SDCCAG8: variants seen among roughly 807,000 people sequenced by gnomAD.
SDCCAG8 encodes the protein serologically defined colon cancer antigen 8.
Under a neutral mutation model 101.8 loss-of-function variants are expected in SDCCAG8, and 74 were observed. That is an observed-to-expected ratio of 0.73 (90% CI 0.60 to 0.88). SDCCAG8 has a LOEUF of 0.88. Among genes scored for constraint, SDCCAG8 ranks in the 40% least tolerant of loss-of-function variants. The pLI, the probability that SDCCAG8 is intolerant of heterozygous loss-of-function variation, is 0.00. For missense variants in SDCCAG8, 787 were observed against 822.6 expected (o/e 0.96, Z 0.53); for synonymous variants, 281 against 292.9 (o/e 0.96, Z 0.41).
intron 12 of SDCCAG8, among the ~76,000 whole-genome samples, chr1:243,360,115 C>T (rs562682019): frequency 1.3e-5 from 2 of 149,008 alleles, no homozygotes; most frequent in South Asian, 2.1e-4. Flanking sequence ...AAGGTACTGT[C>T]GTCTTCAGCT....
At chr1:243,499,589 G>A in intron 17 of SDCCAG8, 167 bp from the exon 18 acceptor site, 1 of 675,606 alleles carries the variant, frequency 1.5e-6, no homozygotes, top group Non-Finnish European at 2.7e-6. Context: ...CTTTGATGTG[G>A]ACAAGATGAG....
rs1572854472 is a variant in SDCCAG8 at position 243,267,505 on chromosome 1, G to C, written c.68-2600G>C. The C allele has an allele frequency of 1.3e-5, 5 of 381,604 alleles. No homozygotes were observed. In the East Asian group the frequency reaches 3.3e-4, roughly 25 times the overall value. The allele number at this position is 381,604 out of a possible 1,614,324, so 23.6% of individuals were successfully genotyped here. On this transcript the variant is annotated intron_variant, in intron 1 of 17. Transcript: ENST00000366541. The stretch of plus-strand genomic sequence containing the variant: ...TAATCCCAGCTATTGGGGAGGCTGA[G>C]GCAGGAGAATCGCTTGAACCCGAGA...
rs557911652 is a variant in SDCCAG8 at position 243,292,027 on chromosome 1, CA to C, written c.547-1062del. 3.0e-3 allele frequency among the ~76,000 whole-genome samples: 456 copies of C among 152,210 alleles called. 1 individual carries two copies. Among genetic ancestry groups the C allele is most frequent in the Admixed American group, 8.4e-3 (128 of 15,280 alleles). On this transcript the variant is annotated intron_variant, in intron 5 of 17. Transcript: ENST00000366541. Reference sequence around the variant, plus strand: ...TATATAAAGGATATAAATGAACAGCCAACTGAAAAGGCACGTAGGGCAGGGT... The same window carrying C: ...TATATAAAGGATATAAATGAACAGCCACTGAAAAGGCACGTAGGGCAGGGT...
Position 243,304,732 on chromosome 1 carries a change from A to C in SDCCAG8, c.695A>C (p.Tyr232Ser), listed in dbSNP as rs747968552. ...CTATAGGAGAAGCTAAAACTTACTT[A>C]TGAGGAAAAGTGTGAAATTGAGGAA... ...QLELEKLKLTYEEKCEIEESQ... is the reference protein window; with the variant it reads ...QLELEKLKLTSEEKCEIEESQ... Residue 232 changes from tyrosine (Y) to serine (S), a missense_variant, in exon 7 of 18, where the codon TAT becomes TCT. By Grantham distance (144) the Tyr-to-Ser change is moderately radical. Coordinates refer to ENST00000366541, the MANE Select transcript of SDCCAG8 (RefSeq NM_006642.5). The C allele has an allele frequency of 1.9e-5, 30 of 1,589,940 alleles. No homozygotes were observed. Among genetic ancestry groups the C allele is most frequent in the Non-Finnish European group, 2.6e-5 (30 of 1,158,286 alleles).
At chr1:243,414,462 G>T (rs2080424066) in intron 13 of SDCCAG8, among the ~76,000 whole-genome samples, 1 of 152,100 alleles carries the variant, frequency 6.6e-6, no homozygotes, top group South Asian at 2.1e-4. Flanking sequence ...TACCAGACAG[G>T]ACCTTATTTC....
chr1:243,378,481 T>C (rs529280320), intron 12 of SDCCAG8, among the ~76,000 whole-genome samples: 5 of 152,340 alleles, frequency 3.3e-5, no homozygotes, highest in Admixed American at 6.5e-5. Context: ...CCACTTTGAC[T>C]ACTCTCATTT....
At chr1:243,266,776 CAA>C (rs566670758) in intron 1 of SDCCAG8, among the ~76,000 whole-genome samples, 5 of 110,956 alleles carry the variant, frequency 4.5e-5, no homozygotes, top group African/African-American at 1.4e-4. Context: ...ATTATAAATA[CAA>C]AAAAAAAAAA....
chr1:243,351,367 A>T (rs2076074389), intron 12 of SDCCAG8, among the ~76,000 whole-genome samples: 1 of 152,194 alleles, frequency 6.6e-6, no homozygotes, highest in Non-Finnish European at 1.5e-5. Flanking sequence ...TAACTAGGAG[A>T]CCCAGGTCCT....
intron 16 of SDCCAG8, chr1:243,476,297 G>A (rs961037253): frequency 2.0e-4 from 200 of 985,352 alleles, no homozygotes; most frequent in Non-Finnish European, 2.3e-4. Flanking sequence ...TGACGGTTCC[G>A]TAGCGGACGG....
intron 16 of SDCCAG8, among the ~76,000 whole-genome samples, chr1:243,427,694 G>C (rs984645423): frequency 1.3e-5 from 2 of 152,086 alleles, no homozygotes; most frequent in African/African-American, 4.8e-5. Context: ...GGGTGGGGGG[G>C]AGGTATTTTT....
chr1:243,365,040 T>G (rs2076922511), intron 12 of SDCCAG8, among the ~76,000 whole-genome samples: 1 of 152,212 alleles, frequency 6.6e-6, no homozygotes, highest in Non-Finnish European at 1.5e-5. Context: ...CAATAGAAGC[T>G]TATTTATGCT....
chr1:243,452,414 CT>C (rs71574667), intron 16 of SDCCAG8, among the ~76,000 whole-genome samples: 718 of 66,664 alleles, frequency 0.011, 4 homozygotes, highest in African/African-American at 0.035. Flanking sequence ...GATCTCATCT[CT>C]TTTTTTTTTT....
intron 16 of SDCCAG8, among the ~76,000 whole-genome samples, chr1:243,430,685 G>A: frequency 6.6e-6 from 1 of 151,950 alleles, no homozygotes; most frequent in East Asian, 2.0e-4. Flanking sequence ...TGATCCGCCA[G>A]CCTCGGCCTC....
chr1:243,438,264 C>T (rs2082280639), intron 16 of SDCCAG8, among the ~76,000 whole-genome samples: 1 of 152,176 alleles, frequency 6.6e-6, no homozygotes, highest in East Asian at 1.9e-4. Flanking sequence ...CAGGCTGGCA[C>T]ACTAGCCCAC....
At chr1:243,411,270 G>T (rs763622656) in intron 13 of SDCCAG8, among the ~76,000 whole-genome samples, 16 of 151,282 alleles carry the variant, frequency 1.1e-4, no homozygotes, top group Non-Finnish European at 2.1e-4. Flanking sequence ...ACACACCACC[G>T]CATCTGGCTA....
At chr1:243,480,223 G>T (rs1278788711) in intron 16 of SDCCAG8, among the ~76,000 whole-genome samples, 1 of 150,590 alleles carries the variant, frequency 6.6e-6, no homozygotes, top group Non-Finnish European at 1.5e-5. Flanking sequence ...CTATGAGAAG[G>T]CTGTGCAGGA....
chr1:243,385,949 A>T (rs759382789), intron 13 of SDCCAG8, among the ~76,000 whole-genome samples: 2 of 152,242 alleles, frequency 1.3e-5, no homozygotes, highest in Non-Finnish European at 2.9e-5. Context: ...AGACTGGGCA[A>T]CAAGAGTGAA....
chr1:243,271,890 A>G (rs766580629), intron 3 of SDCCAG8, among the ~76,000 whole-genome samples: 85 of 152,210 alleles, frequency 5.6e-4, no homozygotes, highest in Non-Finnish European at 1.2e-3. Context: ...GTTAAAATAT[A>G]TGGTTATAAA....
intron 4 of SDCCAG8, among the ~76,000 whole-genome samples, chr1:243,280,026 G>T (rs533136851): frequency 2.4e-4 from 36 of 152,122 alleles, no homozygotes; most frequent in Non-Finnish European, 4.0e-4. Context: ...ACTTACCTGG[G>T]CCTGGTGCTT....
Sources: allele counts gnomAD v4.1 joint callset (sites outside exome capture counted in the v4.1 genomes callset), GRCh38; gene constraint gnomAD v4.1.1; transcripts MANE v1.5; gene names NCBI Gene and HGNC (gene_info 2026-07-23, HGNC 2026-07-21).